VAV3: variants seen among roughly 807,000 people sequenced by gnomAD.
VAV3 encodes guanine nucleotide exchange factor VAV3.
VAV3 carries 94 observed loss-of-function variants against 131.2 expected under a neutral mutation model. The ratio of observed to expected loss-of-function variants is 0.72; its 90% CI spans 0.61 to 0.85. VAV3 has a LOEUF of 0.85. Among genes scored for constraint, VAV3 ranks in the 40% least tolerant of loss-of-function variants. The pLI is 0.00. For synonymous variants in VAV3, 349 were observed against 342.0 expected, an observed-to-expected ratio of 1.02 and a Z score of -0.22; for missense variants, 939 against 1,002.7, an observed-to-expected ratio of 0.94 and a Z score of 0.86.
intron 17 of VAV3, among the ~76,000 whole-genome samples, chr1:107,688,893 T>C (rs1659219553): frequency 6.6e-6 from 1 of 152,174 alleles, no homozygotes; most frequent in Non-Finnish European, 1.5e-5. Flanking sequence ...ATAACTTTTA[T>C]TTTTAATTTT....
rs147173802 is a variant in VAV3, at chr1:107,860,858, C to T, written c.321+14043G>A. ...CCAGCCTGGGCAACACAGTGAGACC[C>T]TATCTTTTACAAAAAAAGAAGACAA... On this transcript the variant is annotated intron_variant, in intron 2 of 26. Coordinates refer to ENST00000370056, the MANE Select transcript of VAV3 (RefSeq NM_006113.5). Among the ~76,000 whole-genome samples the T allele has an allele frequency of 1.7e-3, 251 of 151,618 alleles. 3 individuals are homozygous for T. The highest frequency in any genetic ancestry group is 5.8e-3 in the African/African-American group (242 of 41,480).
At chr1:107,656,234 A>C (rs1369489675) in intron 19 of VAV3, among the ~76,000 whole-genome samples, 2 of 152,318 alleles carry the variant, frequency 1.3e-5, no homozygotes, top group East Asian at 3.9e-4. Flanking sequence ...GGATAAGAAA[A>C]TGTGGCATAT....
intron 19 of VAV3, among the ~76,000 whole-genome samples, chr1:107,670,823 C>T (rs549412113): frequency 2.0e-5 from 3 of 152,074 alleles, no homozygotes; most frequent in African/African-American, 4.8e-5. Flanking sequence ...ATCATATGCT[C>T]AACCTGAGTC....
At chr1:107,578,159 A>G (rs1330372743) in intron 25 of VAV3, among the ~76,000 whole-genome samples, 1 of 152,200 alleles carries the variant, frequency 6.6e-6, no homozygotes. Context: ...TATTCTTAGA[A>G]TCAATGGCCT....
At chr1:107,861,391 T>G (rs902124933) in intron 2 of VAV3, among the ~76,000 whole-genome samples, 2 of 151,660 alleles carry the variant, frequency 1.3e-5, no homozygotes, top group Admixed American at 6.6e-5. Flanking sequence ...AAACTGTACT[T>G]TATCATCTGG....
chr1:107,908,073 A>G (rs1483787490), intron 1 of VAV3, among the ~76,000 whole-genome samples: 4 of 152,194 alleles, frequency 2.6e-5, no homozygotes, highest in African/African-American at 7.2e-5. Flanking sequence ...AGAATTTTCA[A>G]CATCATCCCT....
In VAV3 at chr1:107,964,845, G is replaced by A; in HGVS notation, c.25C>T (p.Gln9Ter). MEPWKQCA[Q>*]WLIHCKVLPT... is the part of the protein sequence containing the mutation. ...AGCACCTTGCAATGGATGAGCCACT[G>A]CGCGCACTGCTTCCACGGCTCCATG... Residue 9 changes from glutamine (Q) to a stop codon, truncating the protein, a stop_gained, in exon 1 of 27, where the codon CAG becomes TAG. Coordinates refer to ENST00000370056, the MANE Select transcript of VAV3 (RefSeq NM_006113.5). LOFTEE classifies it high-confidence loss of function. The A allele has an allele frequency of 6.2e-7, 1 of 1,609,614 alleles. No individual in the cohort carries two copies. The highest frequency in any genetic ancestry group is 8.5e-7 in the Non-Finnish European group (1 of 1,178,010).
intron 19 of VAV3, among the ~76,000 whole-genome samples, chr1:107,645,924 C>CA (rs1655706420): frequency 6.6e-6 from 1 of 152,038 alleles, no homozygotes. Context: ...ACAACTCAGT[C>CA]ATTGTTGCAG....
intron 20 of VAV3, among the ~76,000 whole-genome samples, chr1:107,636,508 C>T (rs1276611646): frequency 6.6e-6 from 1 of 152,120 alleles, no homozygotes; most frequent in Non-Finnish European, 1.5e-5. Flanking sequence ...ACCTACTGTA[C>T]TGAACATCAT....
At chr1:107,794,525 T>C (rs1666446860) in intron 2 of VAV3, among the ~76,000 whole-genome samples, 1 of 152,232 alleles carries the variant, frequency 6.6e-6, no homozygotes, top group East Asian at 1.9e-4. Context: ...TAATTTCATT[T>C]TGAGATTCCC....
chr1:107,720,514 AC>A (rs1443061645), intron 15 of VAV3, among the ~76,000 whole-genome samples: 2 of 150,666 alleles, frequency 1.3e-5, no homozygotes, highest in Admixed American at 1.3e-4. Context: ...CCCCGTGTCT[AC>A]TAAAAATACA....
At chr1:107,811,609 T>C (rs926868335) in intron 2 of VAV3, among the ~76,000 whole-genome samples, 2 of 152,134 alleles carry the variant, frequency 1.3e-5, no homozygotes, top group African/African-American at 2.4e-5. Context: ...ATTTAAAATA[T>C]GGGAAGAAAA....
chr1:107,958,293 A>G (rs1674914302), intron 1 of VAV3, among the ~76,000 whole-genome samples: 1 of 152,176 alleles, frequency 6.6e-6, no homozygotes, highest in Non-Finnish European at 1.5e-5. Context: ...AAGTCACACC[A>G]CCTTGTATGG....
intron 2 of VAV3, among the ~76,000 whole-genome samples, chr1:107,833,858 A>C (rs767148529): frequency 1.4e-4 from 22 of 152,218 alleles, no homozygotes; most frequent in Non-Finnish European, 2.9e-4. Context: ...AATTCCATTC[A>C]AGTTCTTCCT....
intron 1 of VAV3, among the ~76,000 whole-genome samples, chr1:107,956,869 T>C (rs1362497138): frequency 6.6e-6 from 1 of 151,778 alleles, no homozygotes; most frequent in East Asian, 1.9e-4. Flanking sequence ...GTTTTGTTTA[T>C]CCAAACAAGC....
chr1:107,673,608 G>A (rs1399727608), intron 19 of VAV3: 1 of 152,206 alleles, frequency 6.6e-6, no homozygotes, highest in African/African-American at 2.4e-5. Context: ...CCAGGACATA[G>A]GGAGTTGTGT....
At chr1:107,661,015 T>C (rs1345328319) in intron 19 of VAV3, among the ~76,000 whole-genome samples, 1 of 151,976 alleles carries the variant, frequency 6.6e-6, no homozygotes, top group Non-Finnish European at 1.5e-5. Context: ...AATATATCTA[T>C]ATACACACAC....
chr1:107,813,592 T>C (rs2102337551), intron 2 of VAV3, among the ~76,000 whole-genome samples: 1 of 152,376 alleles, frequency 6.6e-6, no homozygotes, highest in East Asian at 1.9e-4. Context: ...CAAACATTTA[T>C]AATTTCTATG....
At chr1:107,622,910 A>C (rs1396764489) in intron 20 of VAV3, among the ~76,000 whole-genome samples, 1 of 152,202 alleles carries the variant, frequency 6.6e-6, no homozygotes, top group African/African-American at 2.4e-5. Context: ...GAAGGAAGGA[A>C]GGATGGATGG....
Sources: gnomAD v4.1 joint callset for allele counts (sites outside exome capture counted in the v4.1 genomes callset) on GRCh38, gnomAD v4.1.1 for gene constraint, MANE v1.5 for transcripts, NCBI Gene and HGNC (gene_info 2026-07-23, HGNC 2026-07-21) for gene names.